The following PHF20 variants were observed in gnomAD, a reference collection of about 807,000 sequenced individuals.
PHF20 encodes PHD finger protein 20.
PHF20 carries 23 observed loss-of-function variants against 113.5 expected under a neutral mutation model. The ratio of observed to expected loss-of-function variants is 0.20; its 90% CI spans 0.15 to 0.29. The LOEUF (loss-of-function observed/expected upper bound fraction) is 0.29. Ranked by LOEUF, PHF20 falls within the 10% of genes least tolerant of loss-of-function variation. The pLI is 1.00. For missense variants in PHF20, 943 were observed against 1,219.6 expected (o/e 0.77, Z 3.38); for synonymous variants, 434 against 457.3 (o/e 0.95, Z 0.65).
At chr20:35,883,931 G>A (rs901414853) in intron 9 of PHF20, among the ~76,000 whole-genome samples, 11 of 152,188 alleles carry the variant, frequency 7.2e-5, no homozygotes, top group African/African-American at 2.7e-4. Context: ...GGCTTAGTAG[G>A]GTGGCTAGAT....
chr20:35,870,802 ACTAGTAAAGGGTATTTC>A (rs2054407620), intron 7 of PHF20, among the ~76,000 whole-genome samples, 136 bp from the exon 8 acceptor site: 1 of 152,142 alleles, frequency 6.6e-6, no homozygotes, highest in African/African-American at 2.4e-5. Context: ...AAAACTGTAA[ACTAGTAAAGGGTATTTC>A]CTTTTATCAC....
At chr20:35,800,851 G>A (rs6060610) in intron 1 of PHF20, among the ~76,000 whole-genome samples, 19 of 152,126 alleles carry the variant, frequency 1.2e-4, no homozygotes, top group African/African-American at 4.1e-4. Context: ...TGTTTGCTTC[G>A]TTTTTAATTT....
rs2056115134 is a variant in PHF20, at chr20:35,947,889, T to C, written c.*262T>C. The C allele has an allele frequency of 1.2e-5, 4 of 346,578 alleles. No individual in the cohort carries two copies. The highest frequency in any genetic ancestry group is 2.1e-5 in the Non-Finnish European group (4 of 188,754). 21.5% of individuals were successfully genotyped at this position (346,578 alleles called of 1,614,324 possible). A position where few individuals can be genotyped will look rare whatever the true frequency, so the allele number is the denominator to read the frequency against. ...TGTGCACATCGTTGAATGAAGAGAG[T>C]CTTTTTGCACAAACTTCACTTGAAA... On this transcript the variant is annotated 3_prime_UTR_variant, in exon 18 of 18. Coordinates refer to ENST00000374012, the MANE Select transcript of PHF20 (RefSeq NM_016436.5).
intron 17 of PHF20, among the ~76,000 whole-genome samples, chr20:35,942,765 C>T (rs1432081062): frequency 6.6e-6 from 1 of 152,022 alleles, no homozygotes; most frequent in Non-Finnish European, 1.5e-5. Flanking sequence ...TAAGATTAAT[C>T]AAAATCCCTT....
chr20:35,865,163 A>G (rs1008406925), intron 6 of PHF20, among the ~76,000 whole-genome samples: 2 of 152,130 alleles, frequency 1.3e-5, no homozygotes, highest in Non-Finnish European at 2.9e-5. Flanking sequence ...ACTGCATTCC[A>G]GCTTGGGCGA....
rs745681312 is a variant in PHF20 at position 35,938,878 on chromosome 20, C to T, written c.2482C>T (p.Arg828Cys). 4.5e-5 allele frequency: 72 copies of T among 1,614,024 alleles called. No homozygotes were observed. The highest frequency in any genetic ancestry group is 5.5e-5 in the Non-Finnish European group (65 of 1,180,018). Residue 828 changes from arginine (R) to cysteine (C), a missense_variant, in exon 16 of 18, where the codon CGT becomes TGT. Arg to Cys is a radical substitution (Grantham distance 180). Coordinates refer to ENST00000374012, the MANE Select transcript of PHF20 (RefSeq NM_016436.5). Reference sequence around the variant, plus strand: ...CAGGCCCCTGGCCCTGCCCCTGCCGCGTTCTGTGGAGGAATCCTATATCAC... The same window carrying T: ...CAGGCCCCTGGCCCTGCCCCTGCCGTGTTCTGTGGAGGAATCCTATATCAC... ...KPRPLALPLP[R>C]SVEESYITSE... is the part of the protein sequence containing the mutation.
At chr20:35,820,877 G>A (rs2042156828) in intron 2 of PHF20, among the ~76,000 whole-genome samples, 1 of 152,058 alleles carries the variant, frequency 6.6e-6, no homozygotes, top group Non-Finnish European at 1.5e-5. Flanking sequence ...AAGTGAGGGA[G>A]TGAGTCATGT....
At chr20:35,887,609 T>G (rs1219698344) in intron 9 of PHF20, 1 of 152,160 alleles carries the variant, frequency 6.6e-6, no homozygotes, top group Non-Finnish European at 1.5e-5. Context: ...AATACAATCA[T>G]GAAAGTGACA....
At chr20:35,828,174 C>T (rs965526487) in intron 2 of PHF20, among the ~76,000 whole-genome samples, 2 of 152,084 alleles carry the variant, frequency 1.3e-5, no homozygotes. Flanking sequence ...CAGGCATGTG[C>T]CACCATGCCC....
At chr20:35,837,764 C>T (rs2146930271) in intron 2 of PHF20, among the ~76,000 whole-genome samples, 1 of 152,330 alleles carries the variant, frequency 6.6e-6, no homozygotes, top group South Asian at 2.1e-4. Context: ...ATCAAAAGCA[C>T]TTAATAAATT....
intron 2 of PHF20, among the ~76,000 whole-genome samples, chr20:35,835,542 T>A (rs1251298236): frequency 6.6e-6 from 1 of 152,214 alleles, no homozygotes; most frequent in Non-Finnish European, 1.5e-5. Flanking sequence ...AAGTAGAGAC[T>A]TATTAAATGA....
intron 1 of PHF20, among the ~76,000 whole-genome samples, chr20:35,788,447 G>T (rs1411253761): frequency 6.6e-6 from 1 of 151,934 alleles, no homozygotes; most frequent in East Asian, 1.9e-4. Context: ...GCCCAGGCTG[G>T]CTTCAAACTC....
chr20:35,880,427 T>C (rs542207111), intron 9 of PHF20, among the ~76,000 whole-genome samples: 7 of 152,292 alleles, frequency 4.6e-5, no homozygotes, highest in African/African-American at 1.7e-4. Context: ...ACTGAGAAAC[T>C]GAAAAATGCT....
rs1276013897 is a variant in PHF20 at position 35,941,011 on chromosome 20, A to T, written c.2860A>T (p.Thr954Ser). ...TGTGGAATCTCTTCAGGATGAAGTT[A>T]CGCACAGGATGGACTCCATTGAGAA... ...THVESLQDEV[T>S]HRMDSIEKEL... The change falls in exon 17 of 18, where the codon ACG becomes TCG. Residue 954 changes from threonine (T) to serine (S), a missense_variant. This residue lies in a region of PHF20 where 349 missense variants were observed against 412.3 expected (regional missense o/e 0.85). Transcript: ENST00000374012. 3 of 1,614,128 alleles carry T rather than the reference A, an allele frequency of 1.9e-6. No homozygotes were observed. The highest frequency in any genetic ancestry group is 2.5e-6 in the Non-Finnish European group (3 of 1,180,002).
intron 4 of PHF20, among the ~76,000 whole-genome samples, chr20:35,848,951 T>C (rs1356334006): frequency 2.0e-5 from 3 of 151,766 alleles, no homozygotes; most frequent in Non-Finnish European, 4.4e-5. Flanking sequence ...GTTCCTAAAA[T>C]GGTCATTTGC....
At chr20:35,878,690 G>T in intron 9 of PHF20, 1 of 779,206 alleles carries the variant, frequency 1.3e-6, no homozygotes, top group Non-Finnish European at 2.4e-6. Flanking sequence ...AATGACTGTT[G>T]TTATATCATG....
intron 15 of PHF20, among the ~76,000 whole-genome samples, chr20:35,936,099 G>A (rs1985414721): frequency 6.6e-6 from 1 of 152,204 alleles, no homozygotes; most frequent in Non-Finnish European, 1.5e-5. Flanking sequence ...GATGAAAATT[G>A]TAGGTGGGAG....
At chr20:35,790,161 C>G (rs779124348) in intron 1 of PHF20, among the ~76,000 whole-genome samples, 34 of 151,714 alleles carry the variant, frequency 2.2e-4, no homozygotes, top group Non-Finnish European at 3.4e-4. Context: ...CCAGCAAGAA[C>G]AGTAGTAACC....
chr20:35,860,449 C>T (rs2054199972), intron 5 of PHF20, among the ~76,000 whole-genome samples: 1 of 152,006 alleles, frequency 6.6e-6, no homozygotes, highest in Non-Finnish European at 1.5e-5. Context: ...ACCATGTTGG[C>T]CAGGCTGGTC....
Sources: gnomAD v4.1 joint callset for allele counts (sites outside exome capture counted in the v4.1 genomes callset) on GRCh38, gnomAD v4.1.1 for gene constraint, gnomAD v4.1.1 regional missense constraint, MANE v1.5 for transcripts, NCBI Gene and HGNC (gene_info 2026-07-23, HGNC 2026-07-21) for gene names.